Variants in RBFOX1 observed in about 807,000 individuals in gnomAD.
RBFOX1 encodes the protein RNA binding protein fox-1 homolog 1.
RBFOX1 carries 8 observed loss-of-function variants against 57.7 expected under a neutral mutation model. The observed-to-expected ratio is 0.14, with a 90% CI of 0.08 to 0.25. RBFOX1 has a LOEUF of 0.25. Among genes scored for constraint, RBFOX1 ranks in the 10% least tolerant of loss-of-function variants. The pLI is 1.00. For missense variants in RBFOX1, 611 were observed against 548.5 expected (o/e 1.11, Z -1.14); for synonymous variants, 326 against 222.4 (o/e 1.47, Z -4.15).
At chr16:6,415,104 G>A (rs868268809) in intron 2 of RBFOX1, among the ~76,000 whole-genome samples, 6 of 151,714 alleles carry the variant, frequency 4.0e-5, no homozygotes, top group Admixed American at 2.6e-4. Context: ...TTAGCTGGGC[G>A]TGGTGGCATG....
At chr16:6,286,848 C>G (rs543863292) in intron 1 of RBFOX1, among the ~76,000 whole-genome samples, 57 of 152,162 alleles carry the variant, frequency 3.7e-4, no homozygotes, top group Non-Finnish European at 6.9e-4. Context: ...TATTCCTTCT[C>G]TATCTCCCTG....
intron 4 of RBFOX1, among the ~76,000 whole-genome samples, chr16:7,105,773 T>C (rs1263850918): frequency 1.8e-5 from 2 of 112,260 alleles, no homozygotes; most frequent in African/African-American, 3.8e-5. Context: ...TATATATCTA[T>C]GTAGATGTAT....
At chr16:6,060,708 C>T (rs1249943140) in intron 1 of RBFOX1, among the ~76,000 whole-genome samples, 14 of 152,162 alleles carry the variant, frequency 9.2e-5, no homozygotes, top group Admixed American at 8.5e-4. Context: ...CCTAGAAGGA[C>T]TCAGAGCTGT....
chr16:6,399,602 C>T (rs765626792), intron 2 of RBFOX1, among the ~76,000 whole-genome samples: 2 of 152,208 alleles, frequency 1.3e-5, no homozygotes, highest in South Asian at 2.1e-4. Flanking sequence ...TTTCTGTCTT[C>T]TTGTGAGCCC....
At chr16:5,883,368 C>G (rs929689996) in intron 4 of RBFOX1, among the ~76,000 whole-genome samples, 8 of 152,156 alleles carry the variant, frequency 5.3e-5, no homozygotes, top group African/African-American at 1.9e-4. Context: ...AAAATACAAT[C>G]CTATTCCTCA....
chr16:5,726,678 TG>T (rs1194107292), intron 3 of RBFOX1, among the ~76,000 whole-genome samples: 1 of 152,254 alleles, frequency 6.6e-6, no homozygotes, highest in Non-Finnish European at 1.5e-5. Context: ...TTAACTCTAC[TG>T]TATTATTTGC....
rs74250039 is a variant in RBFOX1, at chr16:7,044,710, T to A, written c.-15-7347T>A. 7.6e-4 allele frequency among the ~76,000 whole-genome samples: 89 copies of A among 117,414 alleles called. 1 individual carries two copies. The highest frequency in any genetic ancestry group is 3.8e-3 in the African/African-American group (83 of 21,656). 77.0% of individuals were successfully genotyped at this position (117,414 alleles called of 152,430 possible). On this transcript the variant is annotated intron_variant, in intron 3 of 15. Transcript: ENST00000550418. ...CATTACTGCCATGGGAGAAAAAAAA[T>A]ATCACATGTTAGTTTCCAAATGAAA...
At chr16:5,308,195 G>A (rs540747556) in intron 1 of RBFOX1, among the ~76,000 whole-genome samples, 153 of 152,110 alleles carry the variant, frequency 1.0e-3, no homozygotes, top group African/African-American at 3.4e-3. Flanking sequence ...CAAAAAATTA[G>A]CCAGGCATGG....
Position 7,341,390 on chromosome 16 carries a change from A to G in RBFOX1, c.28-176757A>G, listed in dbSNP as rs569281769. Among the ~76,000 whole-genome samples the G allele has an allele frequency of 4.6e-5, 7 of 152,316 alleles. 1 individual carries two copies. The South Asian group carries it at 1.0e-3, about 23-fold the overall frequency. On this transcript the variant is annotated intron_variant, in intron 4 of 15. Coordinates refer to ENST00000550418, the MANE Select transcript of RBFOX1 (RefSeq NM_018723.4). ...ATTAAGATAATGATTTATCAATCAT[A>G]GATTTCGTGACTGTTGTCTTGCAAG...
rs61023664 is a variant in RBFOX1 at position 7,058,006 on chromosome 16, G to GAAAAA, written c.27+5920_27+5924dup. Among the ~76,000 whole-genome samples the GAAAAA allele has an allele frequency of 4.6e-4, 63 of 136,656 alleles. 1 individual carries two copies. Among genetic ancestry groups the GAAAAA allele is most frequent in the Admixed American group, 1.9e-3 (25 of 13,284 alleles). The allele number at this position is 136,656 out of a possible 152,430, so 89.7% of individuals were successfully genotyped here. A position where few individuals can be genotyped will look rare whatever the true frequency, so the allele number is the denominator to read the frequency against. On this transcript the variant is annotated intron_variant, in intron 4 of 15. Transcript: ENST00000550418. ...CTGGTCGACAGAGGGAGACTGTGGGGAAAAAAAAAAAAAAAACACGAAAAC... is the reference window on the plus strand; with the variant it reads ...CTGGTCGACAGAGGGAGACTGTGGGGAAAAAAAAAAAAAAAAAAAAACACGAAAAC...
intron 3 of RBFOX1, among the ~76,000 whole-genome samples, chr16:6,959,620 C>G (rs1346888076): frequency 6.6e-6 from 1 of 152,124 alleles, no homozygotes; most frequent in African/African-American, 2.4e-5. Context: ...TGTTCCAGCA[C>G]TGACTGAGTG....
At chr16:6,089,959 C>G (rs1347727249) in intron 1 of RBFOX1, 1 of 152,126 alleles carries the variant, frequency 6.6e-6, no homozygotes, top group African/African-American at 2.4e-5. Flanking sequence ...TCTTACAGTT[C>G]TGGAGGTCAG....
At chr16:6,732,492 G>T (rs1236943571) in intron 3 of RBFOX1, among the ~76,000 whole-genome samples, 1 of 152,176 alleles carries the variant, frequency 6.6e-6, no homozygotes, top group African/African-American at 2.4e-5. Context: ...TCTCTTCCAG[G>T]GGGATGGGCT....
chr16:6,336,541 G>T (rs886604454), intron 2 of RBFOX1, among the ~76,000 whole-genome samples: 7 of 152,010 alleles, frequency 4.6e-5, no homozygotes, highest in Admixed American at 3.3e-4. Flanking sequence ...GAGAGGGCTG[G>T]ATTTATAATC....
At chr16:7,396,919 C>A (rs545883510) in intron 4 of RBFOX1, among the ~76,000 whole-genome samples, 1 of 152,012 alleles carries the variant, frequency 6.6e-6, no homozygotes, top group African/African-American at 2.4e-5. Flanking sequence ...CCGGCCTGGG[C>A]TATAGGGTGA....
At chr16:6,301,809 G>C (rs867211937) in intron 1 of RBFOX1, among the ~76,000 whole-genome samples, 1 of 152,112 alleles carries the variant, frequency 6.6e-6, no homozygotes, top group Non-Finnish European at 1.5e-5. Flanking sequence ...CCTATTAAAA[G>C]TTAAGAATAT....
chr16:5,785,095 T>G lies in RBFOX1; in HGVS notation c.319-82208T>G, dbSNP rs148676974. On this transcript the variant is annotated intron_variant, in intron 3 of 19. Transcript: ENST00000641259. ...GTGGTGTCACACATACATAAAGGCA[T>G]GCAACTTTTACCTTCCACGGATTTA... Among the ~76,000 whole-genome samples the G allele has an allele frequency of 6.1e-3, 925 of 150,884 alleles. 7 individuals are homozygous for G. Among genetic ancestry groups the G allele is most frequent in the African/African-American group, 0.021 (852 of 41,066 alleles).
intron 2 of RBFOX1, among the ~76,000 whole-genome samples, chr16:6,433,058 CTGT>C (rs1464475531): frequency 6.6e-6 from 1 of 152,136 alleles, no homozygotes; most frequent in Non-Finnish European, 1.5e-5. Flanking sequence ...ATCCTTCGGG[CTGT>C]TGATTTGGGA....
intron 3 of RBFOX1, among the ~76,000 whole-genome samples, chr16:6,699,711 A>G (rs1181175414): frequency 6.6e-6 from 1 of 152,180 alleles, no homozygotes; most frequent in Non-Finnish European, 1.5e-5. Flanking sequence ...AGGACATAAA[A>G]TGAATGATCA....
Sources: allele counts gnomAD v4.1 joint callset (sites outside exome capture counted in the v4.1 genomes callset), GRCh38; gene constraint gnomAD v4.1.1; transcripts MANE v1.5; gene names NCBI Gene and HGNC (gene_info 2026-07-23, HGNC 2026-07-21).